Variants in ELMO1 observed in about 807,000 individuals in gnomAD.
ELMO1 encodes engulfment and cell motility 1.
A neutral mutation model predicts 98.9 loss-of-function variants in ELMO1; 26 were observed. That is an observed-to-expected ratio of 0.26 (90% CI 0.19 to 0.36). The LOEUF (loss-of-function observed/expected upper bound fraction) is 0.36, where lower values mean the gene tolerates loss of function less well. ELMO1 is among the 10% of genes least tolerant of loss of function. The pLI is 1.00. For synonymous variants in ELMO1, 346 were observed against 346.0 expected (o/e 1.00, Z 0.00); for missense variants, 627 against 935.2 (o/e 0.67, Z 4.30).
At chr7:37,357,127 T>C (rs892727345) in intron 1 of ELMO1, among the ~76,000 whole-genome samples, 9 of 152,344 alleles carry the variant, frequency 5.9e-5, no homozygotes, top group Admixed American at 2.6e-4. Flanking sequence ...TGGCTGTCCA[T>C]TCTTTATCAA....
chr7:37,353,792 C>T (rs1026038446), intron 1 of ELMO1: 5 of 152,186 alleles, frequency 3.3e-5, no homozygotes, highest in Non-Finnish European at 5.9e-5. Context: ...TGTTTACAAA[C>T]CTTTAGCTAG....
intron 13 of ELMO1, among the ~76,000 whole-genome samples, chr7:37,177,057 G>A (rs1790535792): frequency 6.6e-6 from 1 of 152,166 alleles, no homozygotes; most frequent in African/African-American, 2.4e-5. Flanking sequence ...ATAAAAGGTG[G>A]GAAGAAGAGT....
intron 16 of ELMO1, among the ~76,000 whole-genome samples, chr7:37,007,669 G>A (rs1283724684): frequency 6.6e-6 from 1 of 152,170 alleles, no homozygotes; most frequent in East Asian, 1.9e-4. Flanking sequence ...AACAGTTTGA[G>A]AAGCAAACAC....
At chr7:37,128,632 A>G (rs1786692259) in intron 14 of ELMO1, among the ~76,000 whole-genome samples, 1 of 152,212 alleles carries the variant, frequency 6.6e-6, no homozygotes, top group African/African-American at 2.4e-5. Flanking sequence ...CAGGCTGTCC[A>G]TCACAAAATT....
intron 1 of ELMO1, among the ~76,000 whole-genome samples, chr7:37,360,060 C>T (rs907377860): frequency 1.3e-5 from 2 of 152,128 alleles, no homozygotes; most frequent in African/African-American, 4.8e-5. Context: ...TCTGGTAAAA[C>T]GGGGATCTTT....
intron 1 of ELMO1, chr7:37,393,979 C>T (rs1583678797): frequency 1.3e-5 from 2 of 152,194 alleles, no homozygotes; most frequent in African/African-American, 4.8e-5. Flanking sequence ...TAGCAGAATA[C>T]TTTAAGTCCT....
At chr7:37,235,616 G>A (rs990671457) in intron 7 of ELMO1, among the ~76,000 whole-genome samples, 1 of 152,202 alleles carries the variant, frequency 6.6e-6, no homozygotes, top group Non-Finnish European at 1.5e-5. Context: ...ACAGGCAGTG[G>A]CAGAGAAACA....
intron 6 of ELMO1, among the ~76,000 whole-genome samples, chr7:37,257,331 G>A (rs1341659934): frequency 2.0e-5 from 3 of 152,354 alleles, no homozygotes; most frequent in Middle Eastern, 6.8e-3. Context: ...GCTCATGCCT[G>A]TAATCCCAGC....
chr7:37,067,603 A>C (rs889395298), intron 15 of ELMO1, among the ~76,000 whole-genome samples: 10 of 152,224 alleles, frequency 6.6e-5, no homozygotes. Flanking sequence ...TAATTTCAGA[A>C]ATGATTTCAG....
chr7:36,861,033 A>G (rs1472121786), intron 21 of ELMO1, among the ~76,000 whole-genome samples: 7 of 152,250 alleles, frequency 4.6e-5, no homozygotes, highest in Non-Finnish European at 8.8e-5. Flanking sequence ...AGTTTCAAGC[A>G]TGATGTTGGG....
At chr7:37,271,703 T>C in intron 5 of ELMO1, 129 bp downstream of exon 5, 3 of 926,734 alleles carry the variant, frequency 3.2e-6, no homozygotes, top group South Asian at 1.6e-5. Context: ...AGAATCTGCA[T>C]GTCAGGACAT....
chr7:37,308,064 G>C (rs1798704815), intron 4 of ELMO1, among the ~76,000 whole-genome samples: 1 of 152,162 alleles, frequency 6.6e-6, no homozygotes, highest in African/African-American at 2.4e-5. Context: ...AGTGAGCCAA[G>C]ATTGCGCCAC....
intron 15 of ELMO1, 32 bp from the exon 16 acceptor site, chr7:37,013,467 A>C (rs760985223): frequency 6.2e-7 from 1 of 1,611,716 alleles, no homozygotes; most frequent in South Asian, 1.1e-5. Context: ...TAAGAGAAAA[A>C]GTTTTAAAAC....
chr7:36,891,439 T>G lies in ELMO1; in HGVS notation c.1601+3415A>C, dbSNP rs140823420. Among the ~76,000 whole-genome samples the G allele has an allele frequency of 6.1e-4, 93 of 152,362 alleles. 1 individual carries two copies. The East Asian group carries it at 0.018, about 29-fold the overall frequency. ...AGGATGCAGATTTGCAGGGTAGGTA[T>G]CAGCTTTATTCCTGGCTTTGTTTTT... is the stretch of plus-strand genomic sequence containing the variant. On this transcript the variant is annotated intron_variant, in intron 17 of 21. Transcript: ENST00000310758.
chr7:37,165,382 C>G (rs367719885), intron 13 of ELMO1, among the ~76,000 whole-genome samples: 36 of 151,762 alleles, frequency 2.4e-4, no homozygotes, highest in African/African-American at 5.8e-4. Context: ...TGTTGAATAG[C>G]AGTGGTGAGA....
chr7:37,343,870 G>A (rs1455751896), intron 1 of ELMO1, among the ~76,000 whole-genome samples: 6 of 151,890 alleles, frequency 4.0e-5, no homozygotes, highest in Admixed American at 2.0e-4. Flanking sequence ...ACAGTGTAGA[G>A]TCTCTTCTCC....
chr7:36,890,535 T>A (rs1805462319), intron 17 of ELMO1, among the ~76,000 whole-genome samples: 3 of 152,230 alleles, frequency 2.0e-5, no homozygotes, highest in Admixed American at 1.3e-4. Context: ...CCCCAAACCG[T>A]GAGTTCATCC....
At chr7:36,922,809 T>A (rs1204784369) in intron 16 of ELMO1, among the ~76,000 whole-genome samples, 1 of 152,244 alleles carries the variant, frequency 6.6e-6, no homozygotes, top group Admixed American at 6.5e-5. Flanking sequence ...TCATGACAGC[T>A]TTTTAAATAA....
intron 1 of ELMO1, among the ~76,000 whole-genome samples, chr7:37,346,460 T>A (rs1801012970): frequency 1.3e-5 from 2 of 152,364 alleles, no homozygotes; most frequent in South Asian, 4.1e-4. Flanking sequence ...CAATAGGGAC[T>A]TGTTAAGTAA....
Sources: allele counts gnomAD v4.1 joint callset (sites outside exome capture counted in the v4.1 genomes callset), GRCh38; gene constraint gnomAD v4.1.1; transcripts MANE v1.5; gene names NCBI Gene and HGNC (gene_info 2026-07-23, HGNC 2026-07-21).